Variants in DLGAP2 observed in about 807,000 individuals in gnomAD.
DLGAP2 encodes the protein DLG associated protein 2.
In DLGAP2, 26 loss-of-function variants were observed where a neutral mutation model predicts 100.3. That is an observed-to-expected ratio of 0.26 (90% CI 0.19 to 0.36). DLGAP2 has a LOEUF of 0.36. Among genes scored for constraint, DLGAP2 ranks in the 10% least tolerant of loss-of-function variants. DLGAP2 has a pLI of 1.00. For missense variants in DLGAP2, 1,858 were observed against 1,453.2 expected, an observed-to-expected ratio of 1.28 and a Z score of -4.53; for synonymous variants, 886 against 630.1, an observed-to-expected ratio of 1.41 and a Z score of -6.08.
intron 3 of DLGAP2, among the ~76,000 whole-genome samples, chr8:1,262,869 G>A (rs1184527364): frequency 2.0e-5 from 3 of 151,764 alleles, no homozygotes; most frequent in Admixed American, 1.3e-4. Flanking sequence ...ATGGACATTG[G>A]GTGGGGCCAC....
intron 1 of DLGAP2, among the ~76,000 whole-genome samples, chr8:757,391 A>C (rs1328920463): frequency 6.6e-6 from 1 of 152,192 alleles, no homozygotes; most frequent in South Asian, 2.1e-4. Flanking sequence ...GGTTTCCTTC[A>C]TGTGTCGGCC....
At position 918,157 on chromosome 8, in the gene DLGAP2, G is replaced by A. The variant is rs941892002; in HGVS notation, c.73+10191G>A. Among the ~76,000 whole-genome samples the A allele has an allele frequency of 2.6e-5, 4 of 152,110 alleles. No homozygotes were observed. In the South Asian group the frequency reaches 6.2e-4, roughly 24 times the overall value. On this transcript the variant is annotated intron_variant, in intron 2 of 14. Coordinates refer to ENST00000637795, the MANE Select transcript of DLGAP2 (RefSeq NM_001346810.2). ...GGAATCTCAACCTCGTCTGAATTCCGAAGGCATTCTTTCTGGTCTGTGTGG... is the reference window on the plus strand; with the variant it reads ...GGAATCTCAACCTCGTCTGAATTCCAAAGGCATTCTTTCTGGTCTGTGTGG...
At chr8:914,277 G>C (rs1798546625) in intron 2 of DLGAP2, among the ~76,000 whole-genome samples, 1 of 152,188 alleles carries the variant, frequency 6.6e-6, no homozygotes, top group African/African-American at 2.4e-5. Flanking sequence ...CGCCTCTAAT[G>C]ACCCAGCGCC....
chr8:1,047,959 C>T (rs1802560495), intron 2 of DLGAP2, among the ~76,000 whole-genome samples: 1 of 152,154 alleles, frequency 6.6e-6, no homozygotes, highest in Admixed American at 6.5e-5. Flanking sequence ...AGAGTTGTAA[C>T]TCAGTCTTTC....
rs386411871 is a variant in DLGAP2 at position 1,491,077 on chromosome 8, CAAA to C, written c.107-10276_107-10274del. On this transcript the variant is annotated intron_variant, in intron 3 of 14. Transcript: ENST00000637795. Reference sequence around the variant, plus strand: ...AAATAAATAAAAATAAACTGGAAACCAAAAAAAAAAAAAAACCCAAAAATAAAA... The same window carrying C: ...AAATAAATAAAAATAAACTGGAAACCAAAAAAAAAAAACCCAAAAATAAAA... Among the ~76,000 whole-genome samples the C allele has an allele frequency of 7.8e-5, 5 of 64,514 alleles. 1 individual carries two copies. Among genetic ancestry groups the C allele is most frequent in the African/African-American group, 1.7e-4 (4 of 23,038 alleles). The allele number at this position is 64,514 out of a possible 152,430, so 42.3% of individuals were successfully genotyped here.
At chr8:1,219,769 T>C (rs1798281149) in intron 2 of DLGAP2, among the ~76,000 whole-genome samples, 1 of 152,126 alleles carries the variant, frequency 6.6e-6, no homozygotes, top group Admixed American at 6.5e-5. Flanking sequence ...TGGTAGCTTA[T>C]TACAGAATCA....
chr8:1,358,383 T>C (rs761742908), intron 3 of DLGAP2, among the ~76,000 whole-genome samples: 2 of 152,120 alleles, frequency 1.3e-5, no homozygotes, highest in Non-Finnish European at 2.9e-5. Context: ...AGATCTGGTG[T>C]GGGACCCAGG....
At chr8:1,287,632 GA>G (rs1799967227) in intron 3 of DLGAP2, among the ~76,000 whole-genome samples, 1 of 75,592 alleles carries the variant, frequency 1.3e-5, no homozygotes, top group African/African-American at 6.2e-5. Flanking sequence ...AGTTTCGGTT[GA>G]GTGTGTGTGT....
At chr8:1,437,517 C>G (rs1797680690) in intron 3 of DLGAP2, among the ~76,000 whole-genome samples, 1 of 152,156 alleles carries the variant, frequency 6.6e-6, no homozygotes, top group Non-Finnish European at 1.5e-5. Flanking sequence ...TCGACCTAAC[C>G]TCCTGGAACA....
chr8:987,823 C>T (rs188521787), intron 2 of DLGAP2, among the ~76,000 whole-genome samples: 49 of 152,264 alleles, frequency 3.2e-4, no homozygotes, highest in African/African-American at 1.0e-3. Flanking sequence ...TCCCCAGTTT[C>T]CCCCAACATA....
At chr8:861,731 C>G (rs1273372296) in intron 1 of DLGAP2, among the ~76,000 whole-genome samples, 3 of 152,196 alleles carry the variant, frequency 2.0e-5, no homozygotes, top group Non-Finnish European at 4.4e-5. Context: ...GGCCTCCGTT[C>G]CTACTCAAGG....
At chr8:1,323,558 G>A (rs1008616568) in intron 3 of DLGAP2, among the ~76,000 whole-genome samples, 9 of 152,222 alleles carry the variant, frequency 5.9e-5, no homozygotes, top group Non-Finnish European at 1.0e-4. Context: ...GGCTCCTGCT[G>A]AACCAGGATT....
intron 2 of DLGAP2, among the ~76,000 whole-genome samples, chr8:1,124,453 G>A (rs1331803109): frequency 6.6e-6 from 1 of 152,184 alleles, no homozygotes; most frequent in Non-Finnish European, 1.5e-5. Flanking sequence ...ACTTAAGTAA[G>A]CTACATTTAG....
intron 3 of DLGAP2, among the ~76,000 whole-genome samples, chr8:1,278,435 A>G (rs7824111): frequency 0.61 from 92,092 of 151,418 alleles, 28,332 homozygotes; most frequent in African/African-American, 0.68. Flanking sequence ...AGGGATAAAT[A>G]TCAAGAAGGA....
intron 2 of DLGAP2, among the ~76,000 whole-genome samples, chr8:990,425 TGCA>T (rs1800641313): frequency 4.6e-5 from 2 of 43,598 alleles, no homozygotes; most frequent in African/African-American, 1.0e-4. Flanking sequence ...CCAGACCCCC[TGCA>T]CCCCCATACT....
intron 3 of DLGAP2, among the ~76,000 whole-genome samples, chr8:1,492,970 G>C (rs1003195822): frequency 6.6e-6 from 1 of 152,192 alleles, no homozygotes; most frequent in African/African-American, 2.4e-5. Flanking sequence ...TAGGGAACAG[G>C]TAGCATTCCT....
intron 4 of DLGAP2, among the ~76,000 whole-genome samples, chr8:1,517,429 C>G (rs1322211484): frequency 6.6e-6 from 1 of 152,170 alleles, no homozygotes. Flanking sequence ...CCTGCAACAC[C>G]TTACGTCTCA....
intron 2 of DLGAP2, among the ~76,000 whole-genome samples, chr8:1,225,629 C>T (rs925649892): frequency 1.3e-5 from 2 of 152,210 alleles, no homozygotes; most frequent in Non-Finnish European, 2.9e-5. Flanking sequence ...ATCATGAACA[C>T]TTTTAAGCCA....
intron 13 of DLGAP2, among the ~76,000 whole-genome samples, chr8:1,695,272 G>A (rs961010385): frequency 6.0e-5 from 9 of 149,926 alleles, no homozygotes; most frequent in East Asian, 2.0e-4. Flanking sequence ...AGCCATGCCC[G>A]GCCCTACAGA....
Sources: allele counts gnomAD v4.1 joint callset (sites outside exome capture counted in the v4.1 genomes callset), GRCh38; gene constraint gnomAD v4.1.1; transcripts MANE v1.5; gene names NCBI Gene and HGNC (gene_info 2026-07-23, HGNC 2026-07-21).